The following DMD variants were observed in gnomAD, a reference collection of about 807,000 sequenced individuals.
DMD encodes the protein mutant dystrophin.
In DMD, 63 loss-of-function variants were observed where a neutral mutation model predicts 330.1. The ratio of observed to expected loss-of-function variants is 0.19; its 90% CI spans 0.16 to 0.24. The LOEUF (loss-of-function observed/expected upper bound fraction) is 0.24. DMD is among the 10% of genes least tolerant of loss of function. The pLI is 1.00. For missense variants in DMD, 3,344 were observed against 2,684.1 expected, an observed-to-expected ratio of 1.25 and a Z score of -5.43; for synonymous variants, 1,223 against 959.8, an observed-to-expected ratio of 1.27 and a Z score of -5.07.
At chrX:32,529,046 C>T (rs2047202873) in intron 17 of DMD, among the ~76,000 whole-genome samples, 2 of 107,438 alleles carry the variant, frequency 1.9e-5, no homozygotes, top group Non-Finnish European at 1.9e-5. Context: ...CTCAGCCTCC[C>T]GAGTAGCTGG....
chrX:31,946,098 A>C (rs2095082552), intron 45 of DMD, among the ~76,000 whole-genome samples: 1 of 112,214 alleles, frequency 8.9e-6, no homozygotes, highest in African/African-American at 3.2e-5. Context: ...GAACAAAAGC[A>C]CTTACAGTCA....
chrX:31,371,736 T>C (rs1428984466), intron 60 of DMD, among the ~76,000 whole-genome samples: 1 of 111,656 alleles, frequency 9.0e-6, no homozygotes, highest in African/African-American at 3.3e-5. Flanking sequence ...GGGAAGCATT[T>C]GTTTTGTTTG....
At chrX:31,558,545 A>C (rs2147822957) in intron 55 of DMD, among the ~76,000 whole-genome samples, 1 of 111,370 alleles carries the variant, frequency 9.0e-6, no homozygotes, top group Non-Finnish European at 1.9e-5. Flanking sequence ...AACTGAAGCA[A>C]TTACTAACAA....
chrX:31,881,200 TA>T (rs899806214), intron 47 of DMD, among the ~76,000 whole-genome samples: 24 of 109,975 alleles, frequency 2.2e-4, no homozygotes, highest in African/African-American at 5.6e-4. Context: ...GTCAAAAACT[TA>T]AAAAAAAAGT....
intron 55 of DMD, among the ~76,000 whole-genome samples, chrX:31,577,268 A>G: frequency 8.9e-6 from 1 of 112,763 alleles, no homozygotes; most frequent in South Asian, 3.6e-4. Flanking sequence ...TACTTTAATT[A>G]ATACTTGTTT....
intron 7 of DMD, among the ~76,000 whole-genome samples, chrX:32,765,069 C>G (rs1386826873): frequency 9.2e-6 from 1 of 108,339 alleles, no homozygotes; most frequent in Non-Finnish European, 1.9e-5. Context: ...TATCGATTAT[C>G]TACTCATGGT....
chrX:31,717,595 TA>T (rs1055449615), intron 52 of DMD, among the ~76,000 whole-genome samples: 5 of 112,014 alleles, frequency 4.5e-5, no homozygotes, highest in Admixed American at 1.9e-4. Flanking sequence ...GAGGAACAGG[TA>T]AAGTGCCATT....
At chrX:32,649,759 A>G (rs769793946) in intron 9 of DMD, among the ~76,000 whole-genome samples, 1 of 110,422 alleles carries the variant, frequency 9.1e-6, no homozygotes, top group South Asian at 3.8e-4. Context: ...ATACAGCAAT[A>G]GCCTTGATAC....
At chrX:33,057,711 T>C (rs898342075) in intron 1 of DMD, among the ~76,000 whole-genome samples, 2 of 112,016 alleles carry the variant, frequency 1.8e-5, no homozygotes, top group Admixed American at 9.5e-5. Context: ...TGAATCATTA[T>C]AGATAACTTT....
chrX:31,566,730 C>T (rs1055230305), intron 55 of DMD, among the ~76,000 whole-genome samples: 1 of 111,817 alleles, frequency 8.9e-6, no homozygotes, highest in Non-Finnish European at 1.9e-5. Flanking sequence ...AGTCTATAAA[C>T]ATGCCATATA....
At chrX:31,778,260 CA>C (rs1269069922) in intron 50 of DMD, among the ~76,000 whole-genome samples, 1 of 111,493 alleles carries the variant, frequency 9.0e-6, no homozygotes, top group Non-Finnish European at 1.9e-5. Flanking sequence ...CTAGGAAGGA[CA>C]AAATCTTGCA....
intron 7 of DMD, among the ~76,000 whole-genome samples, chrX:32,740,006 G>C (rs2069024590): frequency 9.1e-6 from 1 of 109,927 alleles, no homozygotes; most frequent in Admixed American, 9.9e-5. Flanking sequence ...CCAGGCTCCT[G>C]ATAGTATCTT....
intron 51 of DMD, among the ~76,000 whole-genome samples, chrX:31,735,080 G>C (rs1008640246): frequency 9.0e-6 from 1 of 110,910 alleles, no homozygotes; most frequent in Non-Finnish European, 1.9e-5. Context: ...GGTGTGGTGG[G>C]AATACTAAGG....
chrX:32,802,404 G>A (rs1224708291), intron 7 of DMD, among the ~76,000 whole-genome samples: 1 of 111,943 alleles, frequency 8.9e-6, no homozygotes, highest in Non-Finnish European at 1.9e-5. Flanking sequence ...ATTTTCGGCT[G>A]AGATGATGGG....
chrX:32,507,583 G>T (rs1386431081), intron 18 of DMD, among the ~76,000 whole-genome samples: 1 of 111,316 alleles, frequency 9.0e-6, no homozygotes, highest in East Asian at 2.8e-4. Flanking sequence ...AATAGTCTCA[G>T]TAACAACCAC....
intron 1 of DMD, among the ~76,000 whole-genome samples, chrX:33,318,953 A>G (rs1023480293): frequency 1.8e-5 from 2 of 111,193 alleles, no homozygotes; most frequent in African/African-American, 6.5e-5. Context: ...GCTAATCCCC[A>G]AGAGGTTGGT....
At chrX:32,824,338 CA>C (rs1459829207) in intron 4 of DMD, among the ~76,000 whole-genome samples, 3 of 112,024 alleles carry the variant, frequency 2.7e-5, no homozygotes, top group Admixed American at 9.5e-5. Flanking sequence ...GTAATAGCCC[CA>C]AACTGGGAAC....
At chrX:32,107,505 C>G (rs2096570280) in intron 44 of DMD, among the ~76,000 whole-genome samples, 1 of 108,781 alleles carries the variant, frequency 9.2e-6, no homozygotes, top group Non-Finnish European at 1.9e-5. Flanking sequence ...TAGTGTAGTT[C>G]CAATCGAAGT....
chrX:32,193,033 T>G (rs912997175), intron 44 of DMD, among the ~76,000 whole-genome samples: 2 of 111,582 alleles, frequency 1.8e-5, no homozygotes, highest in African/African-American at 6.5e-5. Context: ...ATCCTCATGA[T>G]GATGAGTGAG....
Sources: allele counts gnomAD v4.1 joint callset (sites outside exome capture counted in the v4.1 genomes callset), GRCh38; gene constraint gnomAD v4.1.1; transcripts MANE v1.5; gene names NCBI Gene and HGNC (gene_info 2026-07-23, HGNC 2026-07-21).